NREP: variants seen among roughly 807,000 people sequenced by gnomAD.
The protein encoded by NREP is neuronal regeneration-related protein.
A neutral mutation model predicts 8.6 loss-of-function variants in NREP; 5 were observed. The ratio of observed to expected loss-of-function variants is 0.58; its 90% CI spans 0.30 to 1.22. The LOEUF (loss-of-function observed/expected upper bound fraction) is 1.22. Ranked by LOEUF, NREP falls within the 50% of genes most tolerant of loss-of-function variation. NREP has a pLI of 0.07. For missense variants in NREP, 86 were observed against 82.5 expected (o/e 1.04, Z -0.17); for synonymous variants, 27 against 28.0 (o/e 0.96, Z 0.11).
intron 2 of NREP, among the ~76,000 whole-genome samples, chr5:111,854,881 C>T (rs1485221322): frequency 6.6e-6 from 1 of 152,040 alleles, no homozygotes; most frequent in Admixed American, 6.6e-5. Flanking sequence ...AGAAAATAGG[C>T]AATATTGTTT....
At chr5:111,903,627 G>T (rs1754704310) in intron 2 of NREP, among the ~76,000 whole-genome samples, 1 of 151,984 alleles carries the variant, frequency 6.6e-6, no homozygotes, top group Non-Finnish European at 1.5e-5. Flanking sequence ...CTCAGAAGTG[G>T]TTACATTTTA....
chr5:111,917,933 A>G (rs979291552), intron 2 of NREP, among the ~76,000 whole-genome samples: 3 of 152,184 alleles, frequency 2.0e-5, no homozygotes, highest in Non-Finnish European at 1.5e-5. Context: ...CTGTTTGCAG[A>G]TGACATGACT....
At chr5:111,916,335 T>G (rs1174837629) in intron 2 of NREP, among the ~76,000 whole-genome samples, 1 of 151,792 alleles carries the variant, frequency 6.6e-6, no homozygotes, top group Non-Finnish European at 1.5e-5. Context: ...CGGCCTCTGC[T>G]GAGCCCTCCA....
chr5:111,786,645 A>G (rs1255536679), intron 2 of NREP, among the ~76,000 whole-genome samples: 2 of 152,184 alleles, frequency 1.3e-5, no homozygotes, highest in African/African-American at 4.8e-5. Context: ...CAGGTATTCA[A>G]TGTCCTTAAA....
intron 2 of NREP, among the ~76,000 whole-genome samples, chr5:111,834,657 AC>A (rs1239891169): frequency 1.3e-5 from 2 of 152,142 alleles, no homozygotes; most frequent in African/African-American, 4.8e-5. Context: ...ATATTATGAA[AC>A]TTGAGTTGAA....
At chr5:111,869,436 A>T (rs1279695802) in intron 2 of NREP, among the ~76,000 whole-genome samples, 1 of 152,210 alleles carries the variant, frequency 6.6e-6, no homozygotes, top group Non-Finnish European at 1.5e-5. Flanking sequence ...TTCCCTCTAA[A>T]ACCCAATCGT....
At chr5:111,942,254 G>A (rs1028634809) in intron 2 of NREP, among the ~76,000 whole-genome samples, 1 of 151,312 alleles carries the variant, frequency 6.6e-6, no homozygotes, top group Non-Finnish European at 1.5e-5. Context: ...TTTTTATTTC[G>A]AATGACACCA....
intron 2 of NREP, among the ~76,000 whole-genome samples, chr5:111,772,311 G>T (rs528298011): frequency 1.3e-5 from 2 of 152,082 alleles, no homozygotes; most frequent in East Asian, 1.9e-4. Context: ...AGAATAGAAG[G>T]TTTTTTGTTT....
chr5:111,867,953 AAAG>A (rs1469094756), intron 2 of NREP, among the ~76,000 whole-genome samples: 1 of 152,054 alleles, frequency 6.6e-6, no homozygotes, highest in Non-Finnish European at 1.5e-5. Flanking sequence ...ATAATTCCAA[AAAG>A]AATCCCCGTA....
At chr5:111,756,312 A>AAAACC in intron 1 of NREP, 1 of 99,466 alleles carries the variant, frequency 1.0e-5, no homozygotes, top group Non-Finnish European at 1.6e-5. Flanking sequence ...AAAAAAAAAA[A>AAAACC]CCCTACACGG....
At chr5:111,901,205 G>A (rs1293887545) in intron 2 of NREP, among the ~76,000 whole-genome samples, 1 of 152,104 alleles carries the variant, frequency 6.6e-6, no homozygotes, top group Non-Finnish European at 1.5e-5. Flanking sequence ...TTATTGGTTT[G>A]CACATTATAA....
rs180753801 is a variant in NREP, at chr5:111,880,375, G to A, written c.135+94899C>T. Among the ~76,000 whole-genome samples the A allele has an allele frequency of 1.9e-3, 293 of 152,306 alleles. 2 individuals carry two copies. Among genetic ancestry groups the A allele is most frequent in the Non-Finnish European group, 4.3e-4 (29 of 68,028 alleles). ...GAGGTGGCTTAAACAATAGAAATATGTTTTCTCATGATTCAGGAGGCCAGA... is the reference window on the plus strand; with the variant it reads ...GAGGTGGCTTAAACAATAGAAATATATTTTCTCATGATTCAGGAGGCCAGA... On this transcript the variant is annotated intron_variant, in intron 2 of 3. Transcript: ENST00000395634.
chr5:111,912,100 A>G (rs890705450), intron 2 of NREP, among the ~76,000 whole-genome samples: 1 of 152,152 alleles, frequency 6.6e-6, no homozygotes. Flanking sequence ...ATGCTAGAAT[A>G]TCTAATATTT....
chr5:111,939,857 G>T (rs941543451), intron 2 of NREP, among the ~76,000 whole-genome samples: 13 of 152,070 alleles, frequency 8.5e-5, no homozygotes, highest in African/African-American at 3.1e-4. Flanking sequence ...CAAAGTTAAT[G>T]AATCAATGAT....
chr5:111,957,774 C>T (rs1388195005), intron 2 of NREP, among the ~76,000 whole-genome samples: 1 of 151,236 alleles, frequency 6.6e-6, no homozygotes, highest in Non-Finnish European at 1.5e-5. Context: ...TACAACATAA[C>T]CAGGTAAGTT....
chr5:111,898,617 A>G (rs377680982), intron 2 of NREP, among the ~76,000 whole-genome samples: 5 of 152,168 alleles, frequency 3.3e-5, no homozygotes, highest in Admixed American at 6.6e-5. Flanking sequence ...AGAGTGGAAC[A>G]TGATGGCAGA....
intron 2 of NREP, among the ~76,000 whole-genome samples, chr5:111,769,336 A>G (rs1018667792): frequency 1.3e-5 from 2 of 152,242 alleles, no homozygotes; most frequent in Non-Finnish European, 2.9e-5. Flanking sequence ...TTAATTCTAT[A>G]ATTACAATCA....
chr5:111,883,681 G>A (rs1354100871), intron 2 of NREP, among the ~76,000 whole-genome samples: 19 of 152,122 alleles, frequency 1.2e-4, no homozygotes, highest in African/African-American at 1.7e-4. Flanking sequence ...ACTCAAAACC[G>A]CTCAACTACA....
At chr5:111,804,260 A>G (rs578040152) in intron 2 of NREP, among the ~76,000 whole-genome samples, 1 of 152,228 alleles carries the variant, frequency 6.6e-6, no homozygotes, top group Non-Finnish European at 1.5e-5. Context: ...TAAAGGTCAC[A>G]TTTCAAAACA....
Sources: allele counts gnomAD v4.1 joint callset (sites outside exome capture counted in the v4.1 genomes callset), GRCh38; gene constraint gnomAD v4.1.1; transcripts MANE v1.5; gene names NCBI Gene and HGNC (gene_info 2026-07-23, HGNC 2026-07-21).